Variants in PRKCB observed in about 807,000 individuals in gnomAD.
PRKCB encodes the protein protein kinase C beta type.
In PRKCB, 13 loss-of-function variants were observed where a neutral mutation model predicts 81.5. The ratio of observed to expected loss-of-function variants is 0.16; its 90% CI spans 0.10 to 0.25. PRKCB has a LOEUF of 0.25. Among genes scored for constraint, PRKCB ranks in the 10% least tolerant of loss-of-function variants. The probability of loss-of-function intolerance (pLI) is 1.00; values close to 1 mark genes in which losing one functional copy is unlikely to be tolerated. For missense variants in PRKCB, 509 were observed against 875.7 expected, an observed-to-expected ratio of 0.58 and a Z score of 5.29; for synonymous variants, 335 against 321.4, an observed-to-expected ratio of 1.04 and a Z score of -0.45.
Position 23,836,298 on chromosome 16 carries a change from C to T in PRKCB, c.123C>T (p.Ala41=). 6.2e-7 allele frequency: 1 copy of T among 1,605,330 alleles called. No individual in the cohort carries two copies. The highest frequency in any genetic ancestry group is 8.5e-7 in the Non-Finnish European group (1 of 1,176,220). Residue 41 remains alanine (A), a synonymous_variant, in exon 1 of 17, where the codon GCC becomes GCT. Transcript: ENST00000643927. ...VHEVKNHKFT[A]RFFKQPTFCS... is the part of the protein sequence containing the mutation. ...AGGTCAAGAACCACAAATTCACCGC[C>T]CGCTTCTTCAAGCAGCCCACCTTCT...
intron 3 of PRKCB, among the ~76,000 whole-genome samples, chr16:23,995,470 C>T (rs561851746): frequency 6.6e-6 from 1 of 152,274 alleles, no homozygotes; most frequent in Admixed American, 6.5e-5. Flanking sequence ...GAATATAGTC[C>T]TGCCATAATC....
At chr16:24,093,796 C>T (rs942436343) in intron 6 of PRKCB, among the ~76,000 whole-genome samples, 70 of 152,350 alleles carry the variant, frequency 4.6e-4, no homozygotes, top group African/African-American at 1.7e-3. Context: ...CAGCCTCATT[C>T]TCAACCCACC....
intron 3 of PRKCB, among the ~76,000 whole-genome samples, chr16:24,008,993 C>T (rs1965165015): frequency 1.3e-5 from 2 of 152,038 alleles, no homozygotes; most frequent in South Asian, 4.1e-4. Context: ...CCATAATGTC[C>T]TCAGGGTTCA....
chr16:23,839,726 T>C (rs1249238836), intron 2 of PRKCB, among the ~76,000 whole-genome samples: 3 of 152,206 alleles, frequency 2.0e-5, no homozygotes, highest in Non-Finnish European at 2.9e-5. Context: ...TTACTTAGCC[T>C]CTCTGTATTT....
chr16:24,017,590 A>G (rs969815828), intron 3 of PRKCB, among the ~76,000 whole-genome samples: 1 of 152,242 alleles, frequency 6.6e-6, no homozygotes, highest in African/African-American at 2.4e-5. Flanking sequence ...AACTGGGAAA[A>G]CATTTACTGC....
chr16:23,837,260 G>A (rs1962179816), intron 1 of PRKCB, 115 bp from the exon 2 acceptor site: 1 of 1,328,334 alleles, frequency 7.5e-7, no homozygotes, highest in Admixed American at 1.7e-5. Context: ...GCCTGTGGCT[G>A]GGAGTTTGCA....
intron 2 of PRKCB, among the ~76,000 whole-genome samples, chr16:23,846,065 T>G (rs903626419): frequency 3.3e-5 from 5 of 152,242 alleles, no homozygotes; most frequent in African/African-American, 7.2e-5. Flanking sequence ...AACTCTTCAT[T>G]CCTTTGGCTT....
At chr16:23,886,410 T>G (rs1963202080) in intron 2 of PRKCB, among the ~76,000 whole-genome samples, 1 of 106,006 alleles carries the variant, frequency 9.4e-6, no homozygotes, top group South Asian at 2.8e-4. Context: ...TTAGGTGTTT[T>G]TTTTTTTTTT....
chr16:24,214,623 C>T (rs1968194476), intron 16 of PRKCB, 35 bp from the exon 17 acceptor site: 1 of 1,563,766 alleles, frequency 6.4e-7, no homozygotes, highest in Non-Finnish European at 8.7e-7. Context: ...TTTTTTTTCC[C>T]ACCCACCACA....
intron 9 of PRKCB, among the ~76,000 whole-genome samples, chr16:24,148,824 A>T (rs1967031890): frequency 6.6e-6 from 1 of 152,176 alleles, no homozygotes; most frequent in African/African-American, 2.4e-5. Flanking sequence ...ACACTCATTC[A>T]CTTGATCCAG....
At chr16:24,132,471 AAAAC>A (rs1461450316) in intron 9 of PRKCB, among the ~76,000 whole-genome samples, 1 of 152,274 alleles carries the variant, frequency 6.6e-6, no homozygotes, top group African/African-American at 2.4e-5. Flanking sequence ...GTCTATGAAC[AAAAC>A]AAACAAATAT....
intron 2 of PRKCB, among the ~76,000 whole-genome samples, chr16:23,963,975 C>T (rs1964456486): frequency 6.6e-6 from 1 of 152,156 alleles, no homozygotes; most frequent in Non-Finnish European, 1.5e-5. Flanking sequence ...TATTGGGTGT[C>T]TACCATGGAC....
At chr16:23,993,272 C>G (rs1389086134) in intron 3 of PRKCB, among the ~76,000 whole-genome samples, 1 of 152,110 alleles carries the variant, frequency 6.6e-6, no homozygotes, top group African/African-American at 2.4e-5. Context: ...TTGAATCAGG[C>G]TGAATTTATT....
chr16:24,164,260 G>A (rs1262221849), intron 10 of PRKCB, among the ~76,000 whole-genome samples: 4 of 152,112 alleles, frequency 2.6e-5, no homozygotes, highest in African/African-American at 9.7e-5. Context: ...GGTGAATTCT[G>A]CACCTCCCAC....
intron 3 of PRKCB, among the ~76,000 whole-genome samples, chr16:24,008,799 G>T (rs954693540): frequency 4.6e-5 from 7 of 152,162 alleles, no homozygotes; most frequent in African/African-American, 1.7e-4. Flanking sequence ...GATCTCTGGG[G>T]CTTATTCATC....
chr16:24,036,850 T>G (rs1965628436), intron 5 of PRKCB, among the ~76,000 whole-genome samples: 2 of 152,192 alleles, frequency 1.3e-5, no homozygotes, highest in African/African-American at 2.4e-5. Flanking sequence ...GAGACTCTGC[T>G]TCCCTCTGGT....
At chr16:24,054,718 A>G (rs1965883691) in intron 5 of PRKCB, among the ~76,000 whole-genome samples, 1 of 152,208 alleles carries the variant, frequency 6.6e-6, no homozygotes, top group South Asian at 2.1e-4. Flanking sequence ...TTGACAGCTC[A>G]TTTATGTGAT....
chr16:24,112,260 A>G (rs1966684530), intron 7 of PRKCB, among the ~76,000 whole-genome samples: 1 of 152,238 alleles, frequency 6.6e-6, no homozygotes, highest in Non-Finnish European at 1.5e-5. Context: ...GAGTGTATTT[A>G]CAGTCAGGCA....
intron 3 of PRKCB, among the ~76,000 whole-genome samples, chr16:23,993,446 G>T (rs574550222): frequency 1.3e-5 from 2 of 152,316 alleles, no homozygotes; most frequent in African/African-American, 4.8e-5. Context: ...TAGAGGAAAG[G>T]ATTCAAAAGC....
Sources: allele counts gnomAD v4.1 joint callset (sites outside exome capture counted in the v4.1 genomes callset), GRCh38; gene constraint gnomAD v4.1.1; transcripts MANE v1.5; gene names NCBI Gene and HGNC (gene_info 2026-07-23, HGNC 2026-07-21).